The following PTPRN2 variants were observed in gnomAD, a reference collection of about 807,000 sequenced individuals.
PTPRN2 encodes the protein receptor-type tyrosine-protein phosphatase N2.
PTPRN2 carries 74 observed loss-of-function variants against 118.8 expected under a neutral mutation model. That is an observed-to-expected ratio of 0.62 (90% confidence interval 0.52 to 0.76). PTPRN2 has a LOEUF of 0.76. PTPRN2 is among the 30% of genes least tolerant of loss of function. The pLI, the probability that PTPRN2 is intolerant of heterozygous loss-of-function variation, is 0.00. For synonymous variants in PTPRN2, 641 were observed against 608.0 expected (o/e 1.05, Z -0.80); for missense variants, 1,481 against 1,394.4 (o/e 1.06, Z -0.99).
At chr7:158,319,398 C>CCT (rs201384568) in intron 2 of PTPRN2, among the ~76,000 whole-genome samples, 9 of 118,892 alleles carry the variant, frequency 7.6e-5, no homozygotes, top group South Asian at 2.9e-4. Context: ...ACACAGCCTC[C>CCT]CACACACACA....
At chr7:158,499,806 T>TATATATATATATATACACACACCCTCCA (rs1822219465) in intron 1 of PTPRN2, among the ~76,000 whole-genome samples, 4 of 144,372 alleles carry the variant, frequency 2.8e-5, no homozygotes, top group South Asian at 2.4e-4. Context: ...TGTGTGTGTG[T>TATATATATATATATACACACACCCTCCA]GTATATATAT....
chr7:158,274,332 C>T lies in PTPRN2; in HGVS notation c.277+42487G>A, dbSNP rs532370435. 2.9e-3 allele frequency among the ~76,000 whole-genome samples: 57 copies of T among 19,742 alleles called. 1 individual carries two copies. The highest frequency in any genetic ancestry group is 7.9e-3 in the African/African-American group (21 of 2,670). 13.0% of individuals were successfully genotyped at this position (19,742 alleles called of 152,430 possible). On this transcript the variant is annotated intron_variant, in intron 3 of 22. Transcript: ENST00000389418. The stretch of plus-strand genomic sequence containing the variant: ...AAGGAGCCGCAGCCACAGGGGGAGC[C>T]GCAGACGCGGGAGAGCCACAGACAC...
In PTPRN2 at chr7:157,629,780, G is replaced by A. The variant is rs1803826707; in HGVS notation, c.2197-8271C>T. On this transcript the variant is annotated intron_variant, in intron 14 of 22. Transcript: ENST00000389418. This position sits in a 1 kb window ranked among gnomAD's most constrained non-coding sequence, Gnocchi z 4.4. ...GGCTATACTTCTCTTTTCTACAATG[G>A]CGCCTATTGCAGCACAATGCCCTTT... Among the ~76,000 whole-genome samples, 1 of 152,190 alleles carries A rather than the reference G, an allele frequency of 6.6e-6. No individual in the cohort carries two copies. The highest frequency in any genetic ancestry group is 2.1e-4 in the South Asian group (1 of 4,828).
At position 157,787,038 on chromosome 7, in the gene PTPRN2, G is replaced by A. The variant is rs989922588; in HGVS notation, c.1789-104101C>T. ...GGCGGACACAGGTGCGGCGGGGGAC[G>A]CGGGGGTGGCTGCCCGGGAGGCGGA... On this transcript the variant is annotated intron_variant, in intron 12 of 22. Transcript: ENST00000389418. This position sits in a 1 kb window ranked among gnomAD's most constrained non-coding sequence, Gnocchi z 5.3. 6.8e-6 allele frequency among the ~76,000 whole-genome samples: 1 copy of A among 147,356 alleles called. No homozygotes were observed. The highest frequency in any genetic ancestry group is 1.5e-5 in the Non-Finnish European group (1 of 66,574).
At chr7:157,876,023 A>G (rs2151274862) in intron 12 of PTPRN2, among the ~76,000 whole-genome samples, 1 of 152,310 alleles carries the variant, frequency 6.6e-6, no homozygotes, top group African/African-American at 2.4e-5. Flanking sequence ...CTTGGCCATC[A>G]CCACTGCAGT....
intron 12 of PTPRN2, among the ~76,000 whole-genome samples, chr7:157,727,298 A>G (rs1799655167): frequency 6.6e-6 from 1 of 152,226 alleles, no homozygotes; most frequent in East Asian, 1.9e-4. Flanking sequence ...ACCAGCCCTA[A>G]GAGGAGGGGG....
At chr7:158,311,705 G>C (rs1563118309) in intron 3 of PTPRN2, among the ~76,000 whole-genome samples, 1 of 152,366 alleles carries the variant, frequency 6.6e-6, no homozygotes, top group East Asian at 1.9e-4. Context: ...AAGTGGCCTG[G>C]ATGAAGACGA....
chr7:158,427,843 A>ATACCTAACT (rs1815841064), intron 2 of PTPRN2, among the ~76,000 whole-genome samples: 1 of 77,114 alleles, frequency 1.3e-5, no homozygotes, highest in Admixed American at 1.3e-4. Context: ...AGGCCTGCGC[A>ATACCTAACT]CCGCCGGGAA....
At chr7:158,545,844 C>T (rs1379638485) in intron 1 of PTPRN2, among the ~76,000 whole-genome samples, 1 of 152,244 alleles carries the variant, frequency 6.6e-6, no homozygotes, top group East Asian at 1.9e-4. Flanking sequence ...ACTCAAAATA[C>T]AAAAATTAGC....
intron 4 of PTPRN2, among the ~76,000 whole-genome samples, chr7:158,197,440 T>C (rs1395038278): frequency 6.6e-6 from 1 of 152,194 alleles, no homozygotes; most frequent in Non-Finnish European, 1.5e-5. Flanking sequence ...ATGTTGATTT[T>C]CAAGAACAGA....
At chr7:157,824,226 C>T (rs529058179) in intron 12 of PTPRN2, among the ~76,000 whole-genome samples, 3 of 152,016 alleles carry the variant, frequency 2.0e-5, no homozygotes, top group Non-Finnish European at 4.4e-5. Context: ...CTCAGCTTGC[C>T]GACGGCTGCC....
intron 2 of PTPRN2, among the ~76,000 whole-genome samples, chr7:158,361,489 T>C (rs1290003160): frequency 7.2e-5 from 11 of 152,228 alleles, no homozygotes; most frequent in Non-Finnish European, 1.5e-5. Flanking sequence ...TTGCTCTTTC[T>C]TGCTGCTCAG....
intron 7 of PTPRN2, among the ~76,000 whole-genome samples, chr7:158,137,738 G>T (rs975068782): frequency 6.6e-6 from 1 of 152,204 alleles, no homozygotes; most frequent in Non-Finnish European, 1.5e-5. Context: ...GCACGTACTT[G>T]TGGGGCTGCC....
rs1796671202 is a variant in PTPRN2, at chr7:157,676,413, C to G, written c.2001+6312G>C. Among the ~76,000 whole-genome samples, 1 of 152,224 alleles carries G rather than the reference C, an allele frequency of 6.6e-6. No homozygotes were observed. Among genetic ancestry groups the G allele is most frequent in the African/African-American group, 2.4e-5 (1 of 41,464 alleles). On this transcript the variant is annotated intron_variant, in intron 13 of 22. Transcript: ENST00000389418. The surrounding 1 kb of genome is among the most constrained non-coding windows in gnomAD (Gnocchi z 5.6). ...GAATCACCTCCTAGTGATGCGTGGA[C>G]TAATGCTGTTTACCGCCGGTTCACT...
intron 22 of PTPRN2, among the ~76,000 whole-genome samples, chr7:157,544,991 GGT>G (rs748091120): frequency 2.0e-5 from 3 of 148,730 alleles, no homozygotes; most frequent in Non-Finnish European, 3.0e-5. Context: ...CAGGTGTGTG[GGT>G]GTGCAGGGTC....
intron 22 of PTPRN2, among the ~76,000 whole-genome samples, chr7:157,547,441 G>T (rs542606549): frequency 6.6e-6 from 1 of 152,232 alleles, no homozygotes; most frequent in East Asian, 1.9e-4. Flanking sequence ...GGAACTCCTT[G>T]GTACAGAGAG....
intron 11 of PTPRN2, 32 bp from the exon 12 acceptor site, chr7:157,898,769 A>C (rs1232698923): frequency 6.5e-7 from 1 of 1,536,252 alleles, no homozygotes; most frequent in Non-Finnish European, 9.0e-7. Flanking sequence ...CACAAGAGTC[A>C]GGTTGGAGAG....
At chr7:158,523,053 T>C (rs909961544) in intron 1 of PTPRN2, among the ~76,000 whole-genome samples, 2 of 152,224 alleles carry the variant, frequency 1.3e-5, no homozygotes, top group Non-Finnish European at 2.9e-5. Flanking sequence ...AGCATCACCG[T>C]GGCTGCTGAC....
intron 22 of PTPRN2, among the ~76,000 whole-genome samples, chr7:157,545,302 T>G (rs1372919816): frequency 6.7e-6 from 1 of 148,360 alleles, no homozygotes; most frequent in East Asian, 2.0e-4. Flanking sequence ...TATGTGGGTG[T>G]GTACCACATG....
Sources: gnomAD v4.1 joint callset for allele counts (sites outside exome capture counted in the v4.1 genomes callset) on GRCh38, gnomAD v4.1.1 for gene constraint, Gnocchi (gnomAD v3.1) non-coding constraint, MANE v1.5 for transcripts, NCBI Gene and HGNC (gene_info 2026-07-23, HGNC 2026-07-21) for gene names.